The following GABBR2 variants were observed in gnomAD, a reference collection of about 807,000 sequenced individuals.
The protein encoded by GABBR2 is gamma-aminobutyric acid type B receptor subunit 2.
Under a neutral mutation model 105.6 loss-of-function variants are expected in GABBR2, and 23 were observed. The ratio of observed to expected loss-of-function variants is 0.22; its 90% CI spans 0.16 to 0.31. The LOEUF is 0.31. Ranked by LOEUF, GABBR2 falls within the 10% of genes least tolerant of loss-of-function variation. The probability of loss-of-function intolerance (pLI) is 1.00; values close to 1 mark genes in which losing one functional copy is unlikely to be tolerated. For synonymous variants in GABBR2, 478 were observed against 499.7 expected, an observed-to-expected ratio of 0.96 and a Z score of 0.58; for missense variants, 734 against 1,245.5, an observed-to-expected ratio of 0.59 and a Z score of 6.18.
chr9:98,487,865 T>G (rs946614988), intron 4 of GABBR2, among the ~76,000 whole-genome samples: 1 of 152,158 alleles, frequency 6.6e-6, no homozygotes, highest in Non-Finnish European at 1.5e-5. Context: ...AAAATTCACA[T>G]TCCAGATGGA....
At chr9:98,696,244 G>C (rs1303936463) in intron 1 of GABBR2, among the ~76,000 whole-genome samples, 2 of 152,240 alleles carry the variant, frequency 1.3e-5, no homozygotes, top group African/African-American at 2.4e-5. Flanking sequence ...CACAGTAACA[G>C]CTTGTGCAAA....
At chr9:98,692,520 G>A (rs2131879551) in intron 1 of GABBR2, among the ~76,000 whole-genome samples, 1 of 152,352 alleles carries the variant, frequency 6.6e-6, no homozygotes, top group East Asian at 1.9e-4. Flanking sequence ...TGGCCTAAGG[G>A]CCTTCGGGAA....
chr9:98,453,670 G>A (rs987294932), intron 7 of GABBR2, among the ~76,000 whole-genome samples: 1 of 152,214 alleles, frequency 6.6e-6, no homozygotes, highest in African/African-American at 2.4e-5. Context: ...GCTCTAAAAT[G>A]TAAATAGCCA....
intron 1 of GABBR2, among the ~76,000 whole-genome samples, chr9:98,630,504 G>A (rs1829801974): frequency 6.6e-6 from 1 of 152,176 alleles, no homozygotes; most frequent in African/African-American, 2.4e-5. Context: ...TTGAGCAGTG[G>A]CCCAAAGACC....
chr9:98,645,593 A>T (rs1397885958), intron 1 of GABBR2, among the ~76,000 whole-genome samples: 1 of 151,912 alleles, frequency 6.6e-6, no homozygotes, highest in Non-Finnish European at 1.5e-5. Flanking sequence ...CTGAGTCCCC[A>T]CCCCACCCCT....
rs985116751 is a variant in GABBR2 at position 98,651,149 on chromosome 9, T to G, written c.321+57268A>C. ...CACATACACACACTGGTTTTTTTTT[T>G]TTTTTTTTTTTTTTGAGACAGTGTT... On this transcript the variant is annotated intron_variant, in intron 1 of 18. Transcript: ENST00000259455. 1.4e-4 allele frequency among the ~76,000 whole-genome samples: 21 copies of G among 150,432 alleles called. No individual in the cohort carries two copies. The East Asian group carries it at 1.8e-3, about 13-fold the overall frequency.
Position 98,477,858 on chromosome 9 carries a change from C to T in GABBR2, c.798+3074G>A, listed in dbSNP as rs1213137850. On this transcript the variant is annotated intron_variant, in intron 5 of 18. Coordinates refer to ENST00000259455, the MANE Select transcript of GABBR2 (RefSeq NM_005458.8). ...AGGATGAAGCTTTCCCTTTGGTGGCCTCATTTAAGCCTCTCGACAACCCCA... is the reference window on the plus strand; with the variant it reads ...AGGATGAAGCTTTCCCTTTGGTGGCTTCATTTAAGCCTCTCGACAACCCCA... Among the ~76,000 whole-genome samples, 3 of 152,238 alleles carry T rather than the reference C, an allele frequency of 2.0e-5. No individual in the cohort carries two copies. The East Asian group carries it at 5.8e-4, about 29-fold the overall frequency.
At chr9:98,473,097 G>T (rs1444182045) in intron 6 of GABBR2, 49 bp downstream of exon 6, 16 of 1,374,640 alleles carry the variant, frequency 1.2e-5, no homozygotes, top group Non-Finnish European at 1.6e-5. Flanking sequence ...CAGACAAGAT[G>T]ATCAAAGGAG....
At chr9:98,457,886 T>C (rs1826354129) in intron 6 of GABBR2, among the ~76,000 whole-genome samples, 1 of 152,236 alleles carries the variant, frequency 6.6e-6, no homozygotes, top group Admixed American at 6.5e-5. Context: ...GAAGAATTTC[T>C]TCCATCGTAA....
chr9:98,316,792 C>T (rs1298731569), intron 13 of GABBR2, among the ~76,000 whole-genome samples: 1 of 152,184 alleles, frequency 6.6e-6, no homozygotes, highest in Non-Finnish European at 1.5e-5. Flanking sequence ...TTGTTGAAGT[C>T]ACAAAAATCC....
Position 98,453,914 on chromosome 9 carries a change from G to T in GABBR2, c.1236+67C>A, listed in dbSNP as rs528101990. 2.9e-5 allele frequency: 30 copies of T among 1,017,416 alleles called. 1 individual carries two copies. In the South Asian group the frequency reaches 3.4e-4, roughly 12 times the overall value. The allele number at this position is 1,017,416 out of a possible 1,614,324, so 63.0% of individuals were successfully genotyped here. A position where few individuals can be genotyped will look rare whatever the true frequency, so the allele number is the denominator to read the frequency against. On this transcript the variant is annotated intron_variant, in intron 7 of 18. Transcript: ENST00000259455. ...ATCACATAACAGAAAGCCTGTAACA[G>T]CCCCTCTTTTGCTTTGCATGTTTAC... is the stretch of plus-strand genomic sequence containing the variant.
At chr9:98,329,395 C>A (rs1395063021) in intron 13 of GABBR2, among the ~76,000 whole-genome samples, 2 of 152,226 alleles carry the variant, frequency 1.3e-5, no homozygotes, top group Non-Finnish European at 2.9e-5. Flanking sequence ...GTCACACAGA[C>A]AATTGTTAAT....
In GABBR2 at chr9:98,294,176, A is replaced by C. The variant is rs573394835; in HGVS notation, c.2543-274T>G. On this transcript the variant is annotated intron_variant, in intron 17 of 18. Coordinates refer to ENST00000259455, the MANE Select transcript of GABBR2 (RefSeq NM_005458.8). ...TTCCAAGAACAAAAAGGGGAAAATC[A>C]AGTCGACTAATGTAGGAAACATAAC... 5.9e-5 allele frequency among the ~76,000 whole-genome samples: 9 copies of C among 152,292 alleles called. No homozygotes were observed. In the South Asian group the frequency reaches 1.9e-3, roughly 32 times the overall value.
At chr9:98,668,728 T>C (rs767310712) in intron 1 of GABBR2, among the ~76,000 whole-genome samples, 8 of 152,194 alleles carry the variant, frequency 5.3e-5, no homozygotes, top group Non-Finnish European at 7.3e-5. Context: ...TTTCTAAGAA[T>C]TGGTCTTCTC....
At chr9:98,452,268 G>T (rs1268143925) in intron 7 of GABBR2, among the ~76,000 whole-genome samples, 1 of 152,202 alleles carries the variant, frequency 6.6e-6, no homozygotes, top group African/African-American at 2.4e-5. Flanking sequence ...AAGACAGACT[G>T]ACTCTATTCT....
chr9:98,396,193 A>T (rs553834542), intron 8 of GABBR2, among the ~76,000 whole-genome samples: 4 of 152,206 alleles, frequency 2.6e-5, no homozygotes, highest in Non-Finnish European at 5.9e-5. Flanking sequence ...GAATGTGGGA[A>T]GCACAAAGAG....
intron 7 of GABBR2, among the ~76,000 whole-genome samples, chr9:98,426,840 A>C (rs1825702826): frequency 6.6e-6 from 1 of 152,142 alleles, no homozygotes; most frequent in African/African-American, 2.4e-5. Context: ...AGTCTCTACT[A>C]AAAATACAAA....
intron 7 of GABBR2, among the ~76,000 whole-genome samples, chr9:98,444,689 T>C (rs565006536): frequency 6.6e-6 from 1 of 152,262 alleles, no homozygotes; most frequent in South Asian, 2.1e-4. Context: ...TCTGACAATC[T>C]GAAGTCACAG....
intron 2 of GABBR2, among the ~76,000 whole-genome samples, chr9:98,576,975 T>A (rs1239469650): frequency 1.3e-5 from 1 of 78,146 alleles, no homozygotes; most frequent in Non-Finnish European, 2.9e-5. Flanking sequence ...TGGGTGGATG[T>A]ATGGATGGAT....
Sources: allele counts gnomAD v4.1 joint callset (sites outside exome capture counted in the v4.1 genomes callset), GRCh38; gene constraint gnomAD v4.1.1; transcripts MANE v1.5; gene names NCBI Gene and HGNC (gene_info 2026-07-23, HGNC 2026-07-21).